The following PFKFB2 variants were observed in gnomAD, a reference collection of about 807,000 sequenced individuals.
The protein encoded by PFKFB2 is 6-phosphofructo-2-kinase/fructose-2,6-bisphosphatase 2.
In PFKFB2, 53 loss-of-function variants were observed where a neutral mutation model predicts 68.0. That is an observed-to-expected ratio of 0.78 (90% CI 0.63 to 0.98). PFKFB2 has a LOEUF of 0.98. Among genes scored for constraint, PFKFB2 ranks in the 50% least tolerant of loss-of-function variants. The pLI is 0.00. For missense variants in PFKFB2, 451 were observed against 642.0 expected, an observed-to-expected ratio of 0.70 and a Z score of 3.22; for synonymous variants, 222 against 227.6, an observed-to-expected ratio of 0.98 and a Z score of 0.22.
Position 207,074,046 on chromosome 1 carries a change from A to C in PFKFB2, c.*1675A>C. Reference sequence around the variant, plus strand: ...GAATTGCCTTTAGGATTGTTGAATCATAAACATGCCTGTGTCCACCTTATG... The same window carrying C: ...GAATTGCCTTTAGGATTGTTGAATCCTAAACATGCCTGTGTCCACCTTATG... On this transcript the variant is annotated 3_prime_UTR_variant, in exon 15 of 15. Coordinates refer to ENST00000367080, the MANE Select transcript of PFKFB2 (RefSeq NM_006212.2). 1 of 916,324 alleles carries C rather than the reference A, an allele frequency of 1.1e-6. No homozygotes were observed. The highest frequency in any genetic ancestry group is 1.3e-6 in the Non-Finnish European group (1 of 766,736). 56.8% of individuals were successfully genotyped at this position (916,324 alleles called of 1,614,324 possible). A position where few individuals can be genotyped will look rare whatever the true frequency, so the allele number is the denominator to read the frequency against.
At chr1:207,078,265 A>C (rs941166286), downstream of PFKFB2, among the ~76,000 whole-genome samples, 2 of 152,144 alleles carry the variant, frequency 1.3e-5, no homozygotes, top group South Asian at 4.2e-4. Context: ...TTGAGACAGG[A>C]AATACAGATG....
chr1:207,075,198 T>C lies in PFKFB2; in HGVS notation c.*2827T>C. 1 of 985,434 alleles carries C rather than the reference T, an allele frequency of 1.0e-6. No individual in the cohort carries two copies. The highest frequency in any genetic ancestry group is 1.2e-6 in the Non-Finnish European group (1 of 829,934). The allele number at this position is 985,434 out of a possible 1,614,324, so 61.0% of individuals were successfully genotyped here. On this transcript the variant is annotated 3_prime_UTR_variant, in exon 15 of 15. Transcript: ENST00000367080. ...TCATTAACCCAGCATTAGAGACAGGTCACTGGGATGTTCATTCTGGCTCTC... is the reference window on the plus strand; with the variant it reads ...TCATTAACCCAGCATTAGAGACAGGCCACTGGGATGTTCATTCTGGCTCTC...
chr1:207,074,653 T>A lies in PFKFB2; in HGVS notation c.*2282T>A. 1.0e-6 allele frequency: 1 copy of A among 985,432 alleles called. No individual in the cohort carries two copies. The highest frequency in any genetic ancestry group is 1.2e-6 in the Non-Finnish European group (1 of 829,918). 61.0% of individuals were successfully genotyped at this position (985,432 alleles called of 1,614,324 possible). ...CTGCTATTCCTGTTTAGTGGTTACA[T>A]AACATGTACTTAGTGTCTTTGTGGA... On this transcript the variant is annotated 3_prime_UTR_variant, in exon 15 of 15. Transcript: ENST00000367080.
chr1:207,064,167 C>T (rs1313740277), intron 7 of PFKFB2, among the ~76,000 whole-genome samples: 4 of 152,088 alleles, frequency 2.6e-5, no homozygotes, highest in African/African-American at 9.7e-5. Flanking sequence ...AATAGATCAG[C>T]CGGGCACGGT....
chr1:207,075,405 AAT>A lies in PFKFB2; in HGVS notation c.*3035_*3036del. On this transcript the variant is annotated 3_prime_UTR_variant, in exon 15 of 15. Coordinates refer to ENST00000367080, the MANE Select transcript of PFKFB2 (RefSeq NM_006212.2). ...AAGTCTAGCAGGAAGAAGCCAGGAG[AAT>A]GTAGAATGGAAAAGAGCTCTTACTC... 1.0e-6 allele frequency: 1 copy of A among 985,418 alleles called. No individual in the cohort carries two copies. The highest frequency in any genetic ancestry group is 1.2e-6 in the Non-Finnish European group (1 of 829,922). 61.0% of individuals were successfully genotyped at this position (985,418 alleles called of 1,614,324 possible).
intron 3 of PFKFB2, 27 bp from the exon 4 acceptor site, chr1:207,062,593 G>A: frequency 6.2e-7 from 1 of 1,607,820 alleles, no homozygotes; most frequent in Non-Finnish European, 8.5e-7. Flanking sequence ...TTATTTTGCT[G>A]CTGAAGGATT....
upstream of PFKFB2, chr1:207,052,140 G>A: frequency 1.9e-6 from 3 of 1,586,160 alleles, no homozygotes; most frequent in Middle Eastern, 1.7e-4. Context: ...AAACGGGCCC[G>A]CTGGGGCAAC....
In PFKFB2 at chr1:207,063,757, T is replaced by C; in HGVS notation, c.451-16T>C. 1 of 1,611,952 alleles carries C rather than the reference T, an allele frequency of 6.2e-7. No homozygotes were observed. The highest frequency in any genetic ancestry group is 8.5e-7 in the Non-Finnish European group (1 of 1,177,992). Reference sequence around the variant, plus strand: ...CATTTTTGACTTGCTTATCACTGCCTTCTCTCCATGGCCAGGTATTCTTTG... The same window carrying C: ...CATTTTTGACTTGCTTATCACTGCCCTCTCTCCATGGCCAGGTATTCTTTG... On this transcript the variant is annotated splice_polypyrimidine_tract_variant and intron_variant, in intron 6 of 14. Coordinates refer to ENST00000367080, the MANE Select transcript of PFKFB2 (RefSeq NM_006212.2). The surrounding 1 kb of genome is among the most constrained non-coding windows in gnomAD (Gnocchi z 4.1).
chr1:207,046,540 A>G lies in PFKFB2; in HGVS notation c.-18+4328A>G, dbSNP rs573272992. 5 of 152,226 alleles carry G rather than the reference A, an allele frequency of 3.3e-5. No individual in the cohort carries two copies. In the South Asian group the frequency reaches 1.0e-3, roughly 32 times the overall value. The allele number at this position is 152,226 out of a possible 1,614,324, so 9.4% of individuals were successfully genotyped here. On this transcript the variant is annotated intron_variant, in intron 2 of 5. Transcript: ENST00000545806. ...TTGAATTTTCCAGGATCAGAACACT[A>G]AAGTACTAGTGCTAAATTTCAGCAG...
intron 1 of PFKFB2, among the ~76,000 whole-genome samples, chr1:207,035,361 GAA>G (rs1323165110): frequency 1.3e-5 from 2 of 152,208 alleles, no homozygotes. Flanking sequence ...AATTTATAAA[GAA>G]AAGAGGTTTG....
intron 2 of PFKFB2, among the ~76,000 whole-genome samples, chr1:207,057,205 T>C (rs1041213006): frequency 1.4e-5 from 2 of 147,794 alleles, no homozygotes; most frequent in African/African-American, 2.5e-5. Context: ...CCCAGCACTT[T>C]GGGAGGCCGA....
chr1:207,069,641 C>T (rs1444393990), intron 11 of PFKFB2, 113 bp downstream of exon 11: 1 of 678,450 alleles, frequency 1.5e-6, no homozygotes, highest in Non-Finnish European at 2.6e-6. Flanking sequence ...ATTTATCTTC[C>T]TTCCCTTGGG....
chr1:207,068,363 C>T, intron 10 of PFKFB2, 54 bp downstream of exon 10: 2 of 1,431,172 alleles, frequency 1.4e-6, no homozygotes, highest in Non-Finnish European at 1.9e-6. Flanking sequence ...CAGGCAGGAA[C>T]TCTCAGAAGT....
chr1:207,071,086 T>G (rs1004223286), intron 12 of PFKFB2, 102 bp from the exon 13 acceptor site: 1 of 936,460 alleles, frequency 1.1e-6, no homozygotes, highest in Non-Finnish European at 1.7e-6. Context: ...GTGGTCAAAG[T>G]AAGGGAAACT....
chr1:207,061,730 A>C (rs905656916), intron 2 of PFKFB2, among the ~76,000 whole-genome samples: 4 of 152,074 alleles, frequency 2.6e-5, no homozygotes, highest in African/African-American at 9.7e-5. Flanking sequence ...GAAAATACAA[A>C]AATTAGCTGG....
chr1:207,056,708 C>G (rs1032204597), intron 2 of PFKFB2, among the ~76,000 whole-genome samples: 2 of 151,950 alleles, frequency 1.3e-5, no homozygotes, highest in Non-Finnish European at 2.9e-5. Flanking sequence ...TTTTTCTTCT[C>G]TAAGAAGAAG....
Position 207,074,710 on chromosome 1 carries a change from A to C in PFKFB2, c.*2339A>C. 11 of 985,452 alleles carry C rather than the reference A, an allele frequency of 1.1e-5. No individual in the cohort carries two copies. Among genetic ancestry groups the C allele is most frequent in the Non-Finnish European group, 1.3e-5 (11 of 829,914 alleles). 61.0% of individuals were successfully genotyped at this position (985,452 alleles called of 1,614,324 possible). A position where few individuals can be genotyped will look rare whatever the true frequency, so the allele number is the denominator to read the frequency against. ...GGCTGGTAGGGGCAGGGATAGGGGA[A>C]AGCTAAACAGAAGTAGAAGAAAAGG... On this transcript the variant is annotated 3_prime_UTR_variant, in exon 15 of 15. Coordinates refer to ENST00000367080, the MANE Select transcript of PFKFB2 (RefSeq NM_006212.2).
At position 207,076,242 on chromosome 1, in the gene PFKFB2, C is replaced by CT. The variant is rs1289980321; in HGVS notation, c.*3880dup. ...TTTGGAAATAAATTCATCTATGTTA[C>CT]TTTTTTTTTCTTTTTTTTTTTTTTT... On this transcript the variant is annotated 3_prime_UTR_variant, in exon 15 of 15. Transcript: ENST00000367080. 41 of 919,944 alleles carry CT rather than the reference C, an allele frequency of 4.5e-5. No homozygotes were observed. Among genetic ancestry groups the CT allele is most frequent in the East Asian group, 2.4e-4 (2 of 8,310 alleles). The allele number at this position is 919,944 out of a possible 1,614,324, so 57.0% of individuals were successfully genotyped here.
upstream of PFKFB2, among the ~76,000 whole-genome samples, chr1:207,049,898 C>T (rs1297506962): frequency 6.6e-6 from 1 of 152,122 alleles, no homozygotes; most frequent in African/African-American, 2.4e-5. Flanking sequence ...ACTGAATTTT[C>T]ATAAAGATGA....
Sources: gnomAD v4.1 joint callset for allele counts (sites outside exome capture counted in the v4.1 genomes callset) on GRCh38, gnomAD v4.1.1 for gene constraint, Gnocchi (gnomAD v3.1) non-coding constraint, MANE v1.5 for transcripts, NCBI Gene and HGNC (gene_info 2026-07-23, HGNC 2026-07-21) for gene names.